The following PCDHA12 variants were observed in gnomAD, a reference collection of about 807,000 sequenced individuals.
PCDHA12 encodes protocadherin alpha-12.
In PCDHA12, 44 loss-of-function variants were observed where a neutral mutation model predicts 60.0. The ratio of observed to expected loss-of-function variants is 0.73; its 90% CI spans 0.58 to 0.94. The LOEUF (loss-of-function observed/expected upper bound fraction) is 0.94, where lower values mean the gene tolerates loss of function less well. Among genes scored for constraint, PCDHA12 ranks in the 40% least tolerant of loss-of-function variants. The pLI, the probability that PCDHA12 is intolerant of heterozygous loss-of-function variation, is 0.00. For synonymous variants in PCDHA12, 569 were observed against 553.0 expected, an observed-to-expected ratio of 1.03 and a Z score of -0.40; for missense variants, 1,276 against 1,239.7, an observed-to-expected ratio of 1.03 and a Z score of -0.44.
At chr5:141,007,402 A>G in intron 3 of PCDHA12, among the ~76,000 whole-genome samples, 2 of 149,740 alleles carry the variant, frequency 1.3e-5, no homozygotes. Context: ...ATACAAAAAA[A>G]AAAAAAAAAA....
At chr5:140,997,116 C>A (rs1554255739) in intron 3 of PCDHA12, among the ~76,000 whole-genome samples, 1 of 152,054 alleles carries the variant, frequency 6.6e-6, no homozygotes, top group Non-Finnish European at 1.5e-5. Context: ...CCTGCTCTCC[C>A]ACATACACAA....
intron 1 of PCDHA12, among the ~76,000 whole-genome samples, chr5:140,961,969 C>T (rs188846719): frequency 1.5e-4 from 23 of 151,904 alleles, no homozygotes; most frequent in African/African-American, 5.1e-4. Flanking sequence ...CTGCAACCTC[C>T]GCCTCCTGGG....
intron 1 of PCDHA12, among the ~76,000 whole-genome samples, chr5:140,957,228 T>C (rs1189952927): frequency 6.6e-6 from 1 of 152,148 alleles, no homozygotes; most frequent in Non-Finnish European, 1.5e-5. Flanking sequence ...TGGCGAAGCA[T>C]TTTGGCATGT....
chr5:140,887,238 C>A (rs1191260946), intron 1 of PCDHA12, among the ~76,000 whole-genome samples: 3 of 151,738 alleles, frequency 2.0e-5, no homozygotes, highest in African/African-American at 4.8e-5. Flanking sequence ...CTGAGACTAC[C>A]GGCGCCCGCC....
intron 1 of PCDHA12, chr5:140,882,107 A>C: frequency 7.3e-7 from 1 of 1,367,220 alleles, no homozygotes; most frequent in Non-Finnish European, 9.8e-7. Flanking sequence ...TTCCGCGAAG[A>C]AAGCCGCCGT....
intron 1 of PCDHA12, chr5:140,967,070 A>C (rs781831975): frequency 6.2e-7 from 1 of 1,613,072 alleles, no homozygotes; most frequent in South Asian, 1.1e-5. Context: ...GCTCTTCGTC[A>C]ACGAGCGCAT....
intron 1 of PCDHA12, among the ~76,000 whole-genome samples, chr5:140,970,594 T>C (rs975404675): frequency 6.6e-6 from 1 of 152,206 alleles, no homozygotes; most frequent in Admixed American, 6.5e-5. Flanking sequence ...ATATGCTTTG[T>C]GATACTTAAA....
intron 1 of PCDHA12, among the ~76,000 whole-genome samples, chr5:140,964,320 T>C (rs782388382): frequency 1.3e-5 from 2 of 152,206 alleles, no homozygotes; most frequent in Non-Finnish European, 2.9e-5. Context: ...TAAAACAGCA[T>C]AATGGACAAC....
At chr5:140,881,321 T>C (rs1396829121) in intron 1 of PCDHA12, 1 of 983,920 alleles carries the variant, frequency 1.0e-6, no homozygotes, top group Non-Finnish European at 1.2e-6. Context: ...TTAAATTCTA[T>C]TTAACCAGGA....
chr5:140,927,609 C>T (rs1285751413), intron 1 of PCDHA12: 1 of 1,614,076 alleles, frequency 6.2e-7, no homozygotes, highest in Admixed American at 1.7e-5. Flanking sequence ...CCGTATACCG[C>T]ACCAAGGTTC....
chr5:140,876,181 G>A lies in PCDHA12; in HGVS notation c.709G>A (p.Asp237Asn). The A allele has an allele frequency of 5.6e-6, 9 of 1,613,980 alleles. No individual in the cohort carries two copies. The highest frequency in any genetic ancestry group is 7.6e-6 in the Non-Finnish European group (9 of 1,179,894). Residue 237 changes from aspartate to asparagine, a missense_variant, in exon 1 of 4, where the codon GAC becomes AAC. By Grantham distance (23) the Asp-to-Asn change is conservative. Transcript: ENST00000398631. ...QIQITVLDVN[D>N]NGPAFDKPSY... The stretch of plus-strand genomic sequence containing the variant: ...TCAAATAACCGTCCTGGATGTGAAT[G>A]ACAATGGTCCGGCGTTTGATAAGCC...
In PCDHA12 at chr5:140,927,982, G is replaced by T. The variant is rs114786796; in HGVS notation, c.2367+50143G>T. 280 of 1,614,224 alleles carry T rather than the reference G, an allele frequency of 1.7e-4. No individual in the cohort carries two copies. The African/African-American group carries it at 3.0e-3, about 17-fold the overall frequency. On this transcript the variant is annotated intron_variant, in intron 1 of 3. Transcript: ENST00000398631. ...TGGCACAGTGATTGCTCTCTTTAGT[G>T]TAAAGGATGAAGACCTCGATTCTAA...
In PCDHA12 at chr5:140,967,370, G is replaced by A. The variant is rs1554229504; in HGVS notation, c.2368-11579G>A. ...CGAGCTGGACCTTAAGCCCCTGCAGGAGAACAGTAAAGTGCTTGAGCTGGT... is the reference window on the plus strand; with the variant it reads ...CGAGCTGGACCTTAAGCCCCTGCAGAAGAACAGTAAAGTGCTTGAGCTGGT... On this transcript the variant is annotated intron_variant, in intron 1 of 3. Transcript: ENST00000398631. The A allele has an allele frequency of 3.1e-6, 5 of 1,607,662 alleles. No individual in the cohort carries two copies. The South Asian group carries it at 3.3e-5, about 11-fold the overall frequency.
At chr5:140,897,803 C>G (rs1285512803) in intron 1 of PCDHA12, among the ~76,000 whole-genome samples, 1 of 152,130 alleles carries the variant, frequency 6.6e-6, no homozygotes, top group Non-Finnish European at 1.5e-5. Context: ...AGAGTCCCAC[C>G]AACAGTGTAA....
intron 1 of PCDHA12, among the ~76,000 whole-genome samples, chr5:140,923,822 T>C (rs1377526546): frequency 6.6e-6 from 1 of 152,156 alleles, no homozygotes; most frequent in Non-Finnish European, 1.5e-5. Flanking sequence ...AAAATAGACG[T>C]CAGTGGCAGT....
At chr5:140,978,397 C>G (rs2096799745) in intron 1 of PCDHA12, among the ~76,000 whole-genome samples, 1 of 152,080 alleles carries the variant, frequency 6.6e-6, no homozygotes, top group Non-Finnish European at 1.5e-5. Flanking sequence ...CCCTAGTATC[C>G]CTCTTCAATC....
At chr5:140,894,151 A>G (rs1554185957) in intron 1 of PCDHA12, among the ~76,000 whole-genome samples, 1 of 152,034 alleles carries the variant, frequency 6.6e-6, no homozygotes, top group Non-Finnish European at 1.5e-5. Flanking sequence ...CTTCTATGTA[A>G]TTATCCCTGA....
In PCDHA12 at chr5:140,966,763, G is replaced by A. The variant is rs1020607410; in HGVS notation, c.2368-12186G>A. 2.7e-6 allele frequency: 4 copies of A among 1,470,486 alleles called. No homozygotes were observed. The South Asian group carries it at 5.5e-5, about 20-fold the overall frequency. 91.1% of individuals were successfully genotyped at this position (1,470,486 alleles called of 1,614,324 possible). A position where few individuals can be genotyped will look rare whatever the true frequency, so the allele number is the denominator to read the frequency against. Reference sequence around the variant, plus strand: ...CCCGGCTGCCTCCGCCGCGGCCAGTGGCTATGGAGCAGGCGGGCACCAGAC... The same window carrying A: ...CCCGGCTGCCTCCGCCGCGGCCAGTAGCTATGGAGCAGGCGGGCACCAGAC... On this transcript the variant is annotated intron_variant, in intron 1 of 3. Transcript: ENST00000398631.
At chr5:140,884,130 C>A in intron 1 of PCDHA12, 1 of 1,613,434 alleles carries the variant, frequency 6.2e-7, no homozygotes, top group South Asian at 1.1e-5. Context: ...GCGCGCATCC[C>A]GTTCCGCGTG....
Sources: gnomAD v4.1 joint callset for allele counts (sites outside exome capture counted in the v4.1 genomes callset) on GRCh38, gnomAD v4.1.1 for gene constraint, MANE v1.5 for transcripts, NCBI Gene and HGNC (gene_info 2026-07-23, HGNC 2026-07-21) for gene names.